The following STS variants were observed in gnomAD, a reference collection of about 807,000 sequenced individuals.
STS encodes steryl-sulfatase.
In STS, 7 loss-of-function variants were observed where a neutral mutation model predicts 26.8. That is an observed-to-expected ratio of 0.26 (90% CI 0.15 to 0.49). STS has a LOEUF of 0.49. Ranked by LOEUF, STS falls within the 20% of genes least tolerant of loss-of-function variation. The pLI is 0.98. For synonymous variants in STS, 199 were observed against 189.4 expected (o/e 1.05, Z -0.42); for missense variants, 434 against 465.6 (o/e 0.93, Z 0.63).
intron 2 of STS, among the ~76,000 whole-genome samples, chrX:7,238,701 G>A (rs1433759756): frequency 9.4e-6 from 1 of 106,093 alleles, no homozygotes; most frequent in African/African-American, 3.3e-5. Flanking sequence ...GTGTGGTGGT[G>A]CATGCCCGTA....
At chrX:7,298,694 T>C (rs1925780845) in intron 7 of STS, among the ~76,000 whole-genome samples, 1 of 110,298 alleles carries the variant, frequency 9.1e-6, no homozygotes, top group Non-Finnish European at 1.9e-5. Flanking sequence ...CAGAGAGTCG[T>C]AGCCACCCCC....
intron 1 of STS, among the ~76,000 whole-genome samples, chrX:7,160,199 C>T (rs1249124943): frequency 8.9e-6 from 1 of 112,344 alleles, no homozygotes; most frequent in African/African-American, 3.2e-5. Flanking sequence ...ATTTATTTCC[C>T]TTCCTGGAAT....
At chrX:7,267,437 A>G (rs762335074) in intron 6 of STS, among the ~76,000 whole-genome samples, 7 of 112,124 alleles carry the variant, frequency 6.2e-5, no homozygotes, top group Non-Finnish European at 1.3e-4. Context: ...AGTTCAAGTC[A>G]AGGCTAATTT....
At chrX:7,213,043 C>T (rs774127366) in intron 2 of STS, among the ~76,000 whole-genome samples, 8 of 111,213 alleles carry the variant, frequency 7.2e-5, no homozygotes, top group East Asian at 2.8e-4. Flanking sequence ...TAGCCTCAAG[C>T]GATCCTCCTT....
chrX:7,201,408 A>T (rs1934070979), intron 2 of STS, among the ~76,000 whole-genome samples: 1 of 111,650 alleles, frequency 9.0e-6, no homozygotes, highest in Admixed American at 9.5e-5. Flanking sequence ...AACCTAAACC[A>T]ATTTTGTGTT....
In STS at chrX:7,257,425, G is replaced by T. The variant is rs372806768; in HGVS notation, c.260-41G>T. 11 of 1,210,843 alleles carry T rather than the reference G, an allele frequency of 9.1e-6. No homozygotes were observed. In the African/African-American group the frequency reaches 1.9e-4, roughly 21 times the overall value. ...CTTCGGGACAGTCTCCCACCTCGAG[G>T]TATCTCCTGGTTCCTAAGGGTTGAT... On this transcript the variant is annotated intron_variant, in intron 4 of 10. Coordinates refer to ENST00000674429, the MANE Select transcript of STS (RefSeq NM_001320752.2).
intron 10 of STS, among the ~76,000 whole-genome samples, chrX:7,344,541 G>A (rs150281894): frequency 0.017 from 1,858 of 111,532 alleles, 20 homozygotes; most frequent in Middle Eastern, 0.028. Context: ...ACCAGCAGAA[G>A]AGACAGCTCC....
At chrX:7,333,556 G>A (rs1927863992) in intron 9 of STS, among the ~76,000 whole-genome samples, 1 of 112,217 alleles carries the variant, frequency 8.9e-6, no homozygotes, top group African/African-American at 3.2e-5. Context: ...ATTGTCAGGT[G>A]CCCATCTTTT....
intron 3 of STS, 51 bp from the exon 4 acceptor site, chrX:7,257,191 C>T (rs753698397): frequency 1.7e-6 from 2 of 1,202,212 alleles, no homozygotes; most frequent in African/African-American, 3.5e-5. Flanking sequence ...AAACTAAATA[C>T]ATGAACAATA....
intron 1 of STS, among the ~76,000 whole-genome samples, chrX:7,185,512 CATT>C (rs1446602548): frequency 8.9e-5 from 10 of 112,480 alleles, no homozygotes; most frequent in African/African-American, 3.2e-4. Flanking sequence ...TTCACAATTC[CATT>C]ATTATTATTA....
chrX:7,259,664 G>T lies in STS; in HGVS notation c.698G>T (p.Arg233Leu). 8.3e-7 allele frequency: 1 copy of T among 1,210,448 alleles called. No homozygotes were observed. The highest frequency in any genetic ancestry group is 1.1e-6 in the Non-Finnish European group (1 of 895,171). The change falls in exon 6 of 11, where the codon CGG (arginine) becomes CTG (leucine). Residue 233 changes from arginine to leucine, a missense_variant. Arg to Leu is a moderately radical substitution (Grantham distance 102). Around this residue, in one of 2 missense-constraint regions of STS, gnomAD observed 229 missense variants for 288.3 expected, o/e 0.79. Transcript: ENST00000674429. ...TTCTTGGGCTTCCTTCATTACTTCC[G>T]GCCCCTGAACTGCTTCATGATGAGG... ...TLFLGFLHYF[R>L]PLNCFMMRNY...
At position 7,253,299 on chromosome X, in the gene STS, A is replaced by C; in HGVS notation, c.100A>C (p.Ile34Leu). The C allele has an allele frequency of 8.3e-7, 1 of 1,211,781 alleles. No homozygotes were observed. Among genetic ancestry groups the C allele is most frequent in the African/African-American group, 1.7e-5 (1 of 57,801 alleles). ...IILVMADDLG[I>L]GDPGCYGNKT... Reference sequence around the variant, plus strand: ...CCTGGTGATGGCTGACGACCTCGGCATTGGAGATCCTGGGTGCTATGGGAA... The same window carrying C: ...CCTGGTGATGGCTGACGACCTCGGCCTTGGAGATCCTGGGTGCTATGGGAA... The change falls in exon 3 of 11, where the codon ATT becomes CTT. Residue 34 changes from isoleucine to leucine, a missense_variant. Ile to Leu is a conservative substitution (Grantham distance 5). Coordinates refer to ENST00000674429, the MANE Select transcript of STS (RefSeq NM_001320752.2).
At chrX:7,237,861 A>G (rs1922394414) in intron 2 of STS, among the ~76,000 whole-genome samples, 1 of 111,224 alleles carries the variant, frequency 9.0e-6, no homozygotes, top group Non-Finnish European at 1.9e-5. Flanking sequence ...AATAGTCTTC[A>G]ATGTCTGTTA....
At chrX:7,166,780 A>G (rs1167012183) in intron 1 of STS, among the ~76,000 whole-genome samples, 1 of 111,760 alleles carries the variant, frequency 8.9e-6, no homozygotes, top group Non-Finnish European at 1.9e-5. Context: ...CATAGAATCA[A>G]AGAGAAAACC....
intron 1 of STS, among the ~76,000 whole-genome samples, chrX:7,180,649 T>C (rs1324865398): frequency 8.9e-6 from 1 of 111,865 alleles, no homozygotes; most frequent in Non-Finnish European, 1.9e-5. Context: ...GACATTGATG[T>C]CCTGAGGTTA....
At chrX:7,216,558 C>T (rs1162870146) in intron 2 of STS, among the ~76,000 whole-genome samples, 2 of 111,779 alleles carry the variant, frequency 1.8e-5, no homozygotes, top group Non-Finnish European at 3.8e-5. Flanking sequence ...ATAACAGGCA[C>T]TGACCTTGAA....
At chrX:7,182,109 A>G (rs1236133175) in intron 1 of STS, among the ~76,000 whole-genome samples, 2 of 111,503 alleles carry the variant, frequency 1.8e-5, no homozygotes, top group African/African-American at 3.2e-5. Flanking sequence ...AAAACAACCA[A>G]TGATGATTAT....
At chrX:7,308,611 C>A (rs757422771) in intron 8 of STS, among the ~76,000 whole-genome samples, 5 of 107,885 alleles carry the variant, frequency 4.6e-5, no homozygotes, top group African/African-American at 1.0e-4. Flanking sequence ...CCATAAATTT[C>A]TTTTTTTTTT....
chrX:7,257,379 C>T lies in STS; in HGVS notation c.259+16C>T, dbSNP rs771387293. The T allele has an allele frequency of 7.4e-6, 9 of 1,212,018 alleles. No homozygotes were observed. The highest frequency in any genetic ancestry group is 4.6e-4 in the Middle Eastern group (2 of 4,352). ...GTCCGATCAGGTAACCTCCTATCTG[C>T]ATCGCAGGGGCTGTGGTCACCTTCG... On this transcript the variant is annotated intron_variant, in intron 4 of 10. Coordinates refer to ENST00000674429, the MANE Select transcript of STS (RefSeq NM_001320752.2).
Sources: allele counts gnomAD v4.1 joint callset (sites outside exome capture counted in the v4.1 genomes callset), GRCh38; gene constraint gnomAD v4.1.1; regional missense constraint gnomAD v4.1.1; transcripts MANE v1.5; gene names NCBI Gene and HGNC (gene_info 2026-07-23, HGNC 2026-07-21).